BTBD9: variants seen among roughly 807,000 people sequenced by gnomAD.
The protein encoded by BTBD9 is BTB/POZ domain-containing protein 9.
Under a neutral mutation model 64.3 loss-of-function variants are expected in BTBD9, and 49 were observed. That is an observed-to-expected ratio of 0.76 (90% CI 0.61 to 0.97). The LOEUF is 0.97. Ranked by LOEUF, BTBD9 falls within the 50% of genes least tolerant of loss-of-function variation. The pLI is 0.00. For synonymous variants in BTBD9, 260 were observed against 274.7 expected (o/e 0.95, Z 0.53); for missense variants, 598 against 762.1 (o/e 0.78, Z 2.53).
intron 9 of BTBD9, among the ~76,000 whole-genome samples, chr6:38,230,153 C>T (rs1360506965): frequency 2.6e-5 from 4 of 152,088 alleles, no homozygotes; most frequent in Non-Finnish European, 4.4e-5. Context: ...CATATTTAGC[C>T]CCCTTCTGAT....
At chr6:38,185,885 C>T (rs1761793042) in intron 10 of BTBD9, among the ~76,000 whole-genome samples, 1 of 152,182 alleles carries the variant, frequency 6.6e-6, no homozygotes. Flanking sequence ...CCTACAGTCC[C>T]TGCAGCCCGT....
chr6:38,624,650 C>A (rs1350242197), intron 1 of BTBD9, among the ~76,000 whole-genome samples: 1 of 150,544 alleles, frequency 6.6e-6, no homozygotes, highest in Non-Finnish European at 1.5e-5. Flanking sequence ...GAATGGTACA[C>A]AAAATGGTAC....
chr6:38,444,865 AAAG>A (rs1404107235), intron 6 of BTBD9, among the ~76,000 whole-genome samples: 5 of 152,234 alleles, frequency 3.3e-5, no homozygotes, highest in African/African-American at 9.6e-5. Context: ...TCACTAACTA[AAAG>A]AAGATTTATT....
At position 38,592,556 on chromosome 6, in the gene BTBD9, T is replaced by C. The variant is rs1371881175; in HGVS notation, c.814+20A>G. 2 of 1,611,254 alleles carry C rather than the reference T, an allele frequency of 1.2e-6. No individual in the cohort carries two copies. The highest frequency in any genetic ancestry group is 1.3e-5 in the African/African-American group (1 of 74,826). On this transcript the variant is annotated intron_variant, in intron 4 of 10. Coordinates refer to ENST00000481247, the MANE Select transcript of BTBD9 (RefSeq NM_001099272.2). The stretch of plus-strand genomic sequence containing the variant: ...GCATACCAAGCTTCTTGGTTGAGTT[T>C]AGGATAGACAGGTACTTACTGAGCA...
chr6:38,478,115 G>C (rs1034510848), intron 6 of BTBD9, among the ~76,000 whole-genome samples: 2 of 152,136 alleles, frequency 1.3e-5, no homozygotes, highest in Non-Finnish European at 2.9e-5. Flanking sequence ...AATACATGCT[G>C]TTTCCTCTCT....
chr6:38,626,214 T>C (rs1296357901), intron 1 of BTBD9, among the ~76,000 whole-genome samples: 1 of 152,228 alleles, frequency 6.6e-6, no homozygotes, highest in Non-Finnish European at 1.5e-5. Flanking sequence ...ATGGGGTACA[T>C]GAGATGTTTT....
chr6:38,200,228 G>A (rs965321347), intron 9 of BTBD9, among the ~76,000 whole-genome samples: 2 of 152,206 alleles, frequency 1.3e-5, no homozygotes, highest in African/African-American at 4.8e-5. Flanking sequence ...AAATGAAAAT[G>A]AAAACAAAAT....
rs56849074 is a variant in BTBD9, at chr6:38,635,135, CT to C, written c.-28+4664del. Among the ~76,000 whole-genome samples the C allele has an allele frequency of 4.5e-3, 666 of 146,542 alleles. 5 individuals are homozygous for C. Among genetic ancestry groups the C allele is most frequent in the African/African-American group, 0.015 (600 of 40,264 alleles). ...GCTTTACCAAAGCCTCCAGCTATTT[CT>C]TTTTTTTTTTCTTTTTTGAGATGGA... On this transcript the variant is annotated intron_variant, in intron 1 of 10. Coordinates refer to ENST00000481247, the MANE Select transcript of BTBD9 (RefSeq NM_001099272.2).
At chr6:38,383,562 G>C (rs140172020) in intron 6 of BTBD9, among the ~76,000 whole-genome samples, 89 of 152,052 alleles carry the variant, frequency 5.9e-4, no homozygotes, top group African/African-American at 2.0e-3. Flanking sequence ...GTACAAAATG[G>C]CAACAAAAAT....
intron 9 of BTBD9, among the ~76,000 whole-genome samples, chr6:38,217,806 GTC>G (rs1439935180): frequency 1.3e-5 from 2 of 151,258 alleles, no homozygotes; most frequent in Admixed American, 1.3e-4. Context: ...AGTCTCTGCT[GTC>G]ACACCTGGAA....
intron 6 of BTBD9, among the ~76,000 whole-genome samples, chr6:38,544,446 T>C (rs1323838009): frequency 6.6e-6 from 1 of 151,920 alleles, no homozygotes; most frequent in East Asian, 1.9e-4. Flanking sequence ...TGTATGTATA[T>C]GGGGAGGGTG....
chr6:38,304,040 G>A (rs1762528268), intron 7 of BTBD9, among the ~76,000 whole-genome samples: 1 of 150,156 alleles, frequency 6.7e-6, no homozygotes, highest in Non-Finnish European at 1.5e-5. Flanking sequence ...ATTAGTCAAA[G>A]TATGGATCTA....
At chr6:38,626,672 T>C (rs545164235) in intron 1 of BTBD9, among the ~76,000 whole-genome samples, 1 of 152,332 alleles carries the variant, frequency 6.6e-6, no homozygotes, top group South Asian at 2.1e-4. Context: ...ATTTAACTAT[T>C]TATATGGAAT....
chr6:38,498,705 AC>A (rs1772064596), intron 6 of BTBD9, among the ~76,000 whole-genome samples: 1 of 151,990 alleles, frequency 6.6e-6, no homozygotes. Context: ...TGATTCTAAA[AC>A]CCAAGAAGCC....
chr6:38,565,213 C>T (rs1421850570), intron 6 of BTBD9, among the ~76,000 whole-genome samples: 1 of 152,168 alleles, frequency 6.6e-6, no homozygotes, highest in Non-Finnish European at 1.5e-5. Context: ...TCACTAATCA[C>T]ATTACTGCAT....
chr6:38,555,008 G>T (rs1439458714), intron 6 of BTBD9, among the ~76,000 whole-genome samples: 1 of 152,140 alleles, frequency 6.6e-6, no homozygotes, highest in Non-Finnish European at 1.5e-5. Flanking sequence ...GAGAAACAAA[G>T]ACTTCAAAAA....
intron 8 of BTBD9, among the ~76,000 whole-genome samples, chr6:38,263,787 G>A (rs965887373): frequency 6.6e-6 from 1 of 152,130 alleles, no homozygotes; most frequent in Non-Finnish European, 1.5e-5. Context: ...AGTATTCCGT[G>A]AGAAATCTTC....
chr6:38,367,197 G>A (rs1765216331), intron 6 of BTBD9, among the ~76,000 whole-genome samples: 2 of 152,116 alleles, frequency 1.3e-5, no homozygotes, highest in South Asian at 4.1e-4. Context: ...TGGCCCCGAG[G>A]GTGGCCTATA....
intron 8 of BTBD9, among the ~76,000 whole-genome samples, chr6:38,280,230 C>A (rs569964792): frequency 6.6e-6 from 1 of 152,206 alleles, no homozygotes; most frequent in East Asian, 1.9e-4. Context: ...TGCATTCACA[C>A]AGTTCAGACT....
Sources: allele counts gnomAD v4.1 joint callset (sites outside exome capture counted in the v4.1 genomes callset), GRCh38; gene constraint gnomAD v4.1.1; transcripts MANE v1.5; gene names NCBI Gene and HGNC (gene_info 2026-07-23, HGNC 2026-07-21).